Variants in DLG2 observed in about 807,000 individuals in gnomAD.
The protein encoded by DLG2 is discs large MAGUK scaffold protein 2.
DLG2 carries 45 observed loss-of-function variants against 132.5 expected under a neutral mutation model. That is an observed-to-expected ratio of 0.34 (90% CI 0.27 to 0.44). The LOEUF (loss-of-function observed/expected upper bound fraction) is 0.44. DLG2 is among the 20% of genes least tolerant of loss of function. DLG2 has a pLI of 1.00. For synonymous variants in DLG2, 424 were observed against 419.6 expected, an observed-to-expected ratio of 1.01 and a Z score of -0.13; for missense variants, 1,045 against 1,196.9, an observed-to-expected ratio of 0.87 and a Z score of 1.87.
At chr11:83,737,965 C>T (rs1158998756) in intron 18 of DLG2, among the ~76,000 whole-genome samples, 1 of 152,100 alleles carries the variant, frequency 6.6e-6, no homozygotes, top group Non-Finnish European at 1.5e-5. Flanking sequence ...ACCTGTGCCC[C>T]CTTGCTCTCC....
chr11:84,341,136 G>A (rs1438173569), intron 7 of DLG2, among the ~76,000 whole-genome samples: 1 of 152,134 alleles, frequency 6.6e-6, no homozygotes, highest in African/African-American at 2.4e-5. Flanking sequence ...CATAGTAGCT[G>A]TGAGATCATT....
At chr11:85,229,991 C>T (rs1373263478) in intron 4 of DLG2, among the ~76,000 whole-genome samples, 3 of 151,796 alleles carry the variant, frequency 2.0e-5, no homozygotes, top group African/African-American at 7.3e-5. Context: ...GGGTGGGGAG[C>T]TAGAGGAGGG....
chr11:85,236,277 A>G (rs1457660611), intron 4 of DLG2, among the ~76,000 whole-genome samples: 2 of 152,064 alleles, frequency 1.3e-5, no homozygotes, highest in Non-Finnish European at 2.9e-5. Flanking sequence ...CAGGACTTCT[A>G]TAACAAAACA....
At position 84,134,633 on chromosome 11, in the gene DLG2, C is replaced by T. The variant is rs112497209; in HGVS notation, c.624+28828G>A. Among the ~76,000 whole-genome samples the T allele has an allele frequency of 2.5e-3, 380 of 151,780 alleles. 5 individuals are homozygous for T. Among genetic ancestry groups the T allele is most frequent in the East Asian group, 3.3e-3 (17 of 5,150 alleles). On this transcript the variant is annotated intron_variant, in intron 9 of 27. Coordinates refer to ENST00000376104, the MANE Select transcript of DLG2 (RefSeq NM_001142699.3). ...CCAAAGATTTGAAGGTCTCTCCTTC[C>T]CAGATAAAAATAGAATTACATCACA...
In DLG2 at chr11:84,723,717, A is replaced by G. The variant is rs187577569; in HGVS notation, c.358-188986T>C. Reference sequence around the variant, plus strand: ...GGGTGTACTGCAATATTTTTAGGAGATATTACTAGGAAATGCAAGGAGATG... The same window carrying G: ...GGGTGTACTGCAATATTTTTAGGAGGTATTACTAGGAAATGCAAGGAGATG... On this transcript the variant is annotated intron_variant, in intron 6 of 27. Transcript: ENST00000376104. Among the ~76,000 whole-genome samples the G allele has an allele frequency of 1.4e-4, 22 of 152,246 alleles. No homozygotes were observed. In the East Asian group the frequency reaches 4.2e-3, roughly 29 times the overall value.
intron 9 of DLG2, among the ~76,000 whole-genome samples, chr11:84,106,667 G>A (rs2092934255): frequency 6.6e-6 from 1 of 152,078 alleles, no homozygotes; most frequent in Admixed American, 6.6e-5. Flanking sequence ...ATTGGTAAAT[G>A]TTTACATAAA....
chr11:84,938,071 A>G (rs531071945), intron 6 of DLG2, among the ~76,000 whole-genome samples: 1 of 152,258 alleles, frequency 6.6e-6, no homozygotes, highest in African/African-American at 2.4e-5. Flanking sequence ...TGGCTTTTTA[A>G]CAGTTCTGTG....
rs553424770 is a variant in DLG2, at chr11:84,756,170, T to C, written c.358-221439A>G. On this transcript the variant is annotated intron_variant, in intron 6 of 27. Transcript: ENST00000376104. Reference sequence around the variant, plus strand: ...ATATGTATTTGTAACTAACTTGTAATAATTATAATTAAAGAATACTTTTTT... The same window carrying C: ...ATATGTATTTGTAACTAACTTGTAACAATTATAATTAAAGAATACTTTTTT... Among the ~76,000 whole-genome samples the C allele has an allele frequency of 2.6e-5, 4 of 152,332 alleles. No homozygotes were observed. The South Asian group carries it at 8.3e-4, about 32-fold the overall frequency.
chr11:84,814,764 C>T (rs963878191), intron 6 of DLG2, among the ~76,000 whole-genome samples: 1 of 152,082 alleles, frequency 6.6e-6, no homozygotes, highest in Non-Finnish European at 1.5e-5. Flanking sequence ...GTTAAATATG[C>T]CTTCTCTGTG....
intron 18 of DLG2, among the ~76,000 whole-genome samples, chr11:83,662,893 G>T (rs1374793376): frequency 6.6e-6 from 1 of 152,190 alleles, no homozygotes; most frequent in Non-Finnish European, 1.5e-5. Flanking sequence ...CACTGCTACA[G>T]TATCTTACAG....
At chr11:84,593,246 A>T (rs1489209794) in intron 6 of DLG2, among the ~76,000 whole-genome samples, 3 of 152,188 alleles carry the variant, frequency 2.0e-5, no homozygotes, top group Non-Finnish European at 4.4e-5. Context: ...GTGATTCTTC[A>T]AGGATCTAGA....
chr11:83,789,007 T>C (rs995737807), intron 17 of DLG2, among the ~76,000 whole-genome samples: 6 of 152,224 alleles, frequency 3.9e-5, no homozygotes, highest in African/African-American at 1.4e-4. Context: ...GGCCATTTAT[T>C]ATAATAGGCA....
chr11:83,894,498 T>C (rs2070968247), intron 15 of DLG2, among the ~76,000 whole-genome samples: 1 of 152,208 alleles, frequency 6.6e-6, no homozygotes, highest in Non-Finnish European at 1.5e-5. Flanking sequence ...AAGTTTTCCC[T>C]CTGAATTAAA....
chr11:84,282,664 A>G (rs1286145772), intron 7 of DLG2, among the ~76,000 whole-genome samples: 1 of 152,120 alleles, frequency 6.6e-6, no homozygotes. Context: ...GAGAAAAAAA[A>G]GCTTAGAAAG....
intron 6 of DLG2, among the ~76,000 whole-genome samples, chr11:84,675,872 C>T (rs1012828317): frequency 2.6e-5 from 4 of 152,022 alleles, no homozygotes; most frequent in African/African-American, 9.7e-5. Context: ...GGGACTCTGG[C>T]CTCTTTCTCC....
intron 7 of DLG2, among the ~76,000 whole-genome samples, chr11:84,482,333 G>A (rs978833576): frequency 7.2e-5 from 11 of 152,278 alleles, no homozygotes; most frequent in African/African-American, 2.4e-4. Flanking sequence ...CACCAAGAAT[G>A]TCTTGGTATT....
intron 19 of DLG2, among the ~76,000 whole-genome samples, chr11:83,580,765 T>C (rs2096956612): frequency 6.6e-6 from 1 of 151,660 alleles, no homozygotes; most frequent in Non-Finnish European, 1.5e-5. Context: ...GAGCACTTAA[T>C]ACAGGCCAGG....
At chr11:84,181,593 G>C (rs1331380720) in intron 8 of DLG2, among the ~76,000 whole-genome samples, 1 of 151,932 alleles carries the variant, frequency 6.6e-6, no homozygotes, top group East Asian at 1.9e-4. Context: ...AAGTACATTA[G>C]ATTAAAAAGC....
intron 6 of DLG2, among the ~76,000 whole-genome samples, chr11:84,611,233 T>C (rs1193643102): frequency 3.9e-5 from 6 of 152,100 alleles, no homozygotes; most frequent in Admixed American, 3.9e-4. Context: ...TGGCATATAG[T>C]TTGAGGTCAG....
Sources: allele counts gnomAD v4.1 joint callset (sites outside exome capture counted in the v4.1 genomes callset), GRCh38; gene constraint gnomAD v4.1.1; transcripts MANE v1.5; gene names NCBI Gene and HGNC (gene_info 2026-07-23, HGNC 2026-07-21).